The following PCNX1 variants were observed in gnomAD, a reference collection of about 807,000 sequenced individuals.
The protein encoded by PCNX1 is pecanex 1, also known as pecanex-like protein 1.
In PCNX1, 78 loss-of-function variants were observed where a neutral mutation model predicts 242.2. The observed-to-expected ratio is 0.32, with a 90% CI of 0.27 to 0.39. The LOEUF is 0.39. Ranked by LOEUF, PCNX1 falls within the 10% of genes least tolerant of loss-of-function variation. The pLI is 1.00. For synonymous variants in PCNX1, 1,024 were observed against 1,032.9 expected (o/e 0.99, Z 0.17); for missense variants, 2,581 against 2,856.5 (o/e 0.90, Z 2.20).
chr14:71,095,902 G>A (rs1286048966), intron 30 of PCNX1, among the ~76,000 whole-genome samples: 8 of 152,190 alleles, frequency 5.3e-5, no homozygotes, highest in African/African-American at 1.7e-4. Flanking sequence ...TTGGCCAGGC[G>A]TAGTAGCTTG....
intron 12 of PCNX1, among the ~76,000 whole-genome samples, chr14:71,022,135 C>T (rs1305441145): frequency 2.0e-5 from 3 of 152,138 alleles, no homozygotes; most frequent in African/African-American, 7.2e-5. Context: ...AGTCACTGCT[C>T]CTTCCTCCTT....
At chr14:70,982,109 G>A (rs1354486188) in intron 6 of PCNX1, among the ~76,000 whole-genome samples, 1 of 152,186 alleles carries the variant, frequency 6.6e-6, no homozygotes, top group East Asian at 1.9e-4. Context: ...ATGAGGGTTT[G>A]TGCTATACAC....
chr14:70,938,761 G>A (rs1045184389), intron 1 of PCNX1, among the ~76,000 whole-genome samples: 17 of 152,088 alleles, frequency 1.1e-4, no homozygotes, highest in Non-Finnish European at 2.2e-4. Flanking sequence ...TTTGGTCCTG[G>A]ACTTTTTTTG....
chr14:71,052,217 C>CT (rs780497297), intron 24 of PCNX1, among the ~76,000 whole-genome samples: 84 of 142,478 alleles, frequency 5.9e-4, no homozygotes, highest in Middle Eastern at 3.6e-3. Flanking sequence ...TCTTTCTTTC[C>CT]TTTTTTTTTT....
Position 71,047,064 on chromosome 14 carries a change from C to G in PCNX1, c.4119C>G (p.Ser1373Arg). ...TGATTGTTCTCAATGAACTGAGCAG[C>G]AGTGCAGAGACAATTGCTAGTCCAA... ...YPLIVLNELS[S>R]SAETIASPKK... The change falls in exon 21 of 36, where the codon AGC becomes AGG. Residue 1373 changes from serine (S) to arginine (R), a missense_variant. Physicochemically the swap from Ser to Arg is moderately radical, Grantham distance 110. Transcript: ENST00000304743. 6.2e-7 allele frequency: 1 copy of G among 1,610,276 alleles called. No individual in the cohort carries two copies. Among genetic ancestry groups the G allele is most frequent in the Non-Finnish European group, 8.5e-7 (1 of 1,177,236 alleles).
chr14:70,931,763 G>A (rs189850065), intron 1 of PCNX1, among the ~76,000 whole-genome samples: 6 of 152,280 alleles, frequency 3.9e-5, no homozygotes, highest in East Asian at 3.9e-4. Context: ...TAGAAGCACC[G>A]TTTTCTTAAC....
chr14:70,913,702 C>T (rs574755438), intron 1 of PCNX1, among the ~76,000 whole-genome samples: 1 of 152,146 alleles, frequency 6.6e-6, no homozygotes, highest in South Asian at 2.1e-4. Context: ...TTTCTTTCCC[C>T]CAATTTAAAA....
chr14:70,974,694 G>A (rs1262376274), intron 5 of PCNX1, among the ~76,000 whole-genome samples: 1 of 151,990 alleles, frequency 6.6e-6, no homozygotes, highest in Non-Finnish European at 1.5e-5. Flanking sequence ...AAGTTTCTTG[G>A]CCATATTGCC....
At chr14:71,000,137 A>G (rs936277309) in intron 8 of PCNX1, among the ~76,000 whole-genome samples, 2 of 152,306 alleles carry the variant, frequency 1.3e-5, no homozygotes, top group Admixed American at 1.3e-4. Flanking sequence ...TATAAATGAA[A>G]GTAAAATGTT....
intron 24 of PCNX1, 23 bp from the exon 25 acceptor site, chr14:71,055,481 T>A: frequency 6.7e-7 from 1 of 1,481,668 alleles, no homozygotes; most frequent in Non-Finnish European, 9.4e-7. Flanking sequence ...AGAAAGTTAC[T>A]AAAAATGTTT....
rs1343692767 is a variant in PCNX1 at position 71,115,240 on chromosome 14, G to GTGT, written c.*5307_*5309dup. 6.6e-6 allele frequency: 1 copy of GTGT among 152,604 alleles called. No individual in the cohort carries two copies. Among genetic ancestry groups the GTGT allele is most frequent in the Non-Finnish European group, 1.5e-5 (1 of 68,034 alleles). The allele number at this position is 152,604 out of a possible 1,614,324, so 9.5% of individuals were successfully genotyped here. A position where few individuals can be genotyped will look rare whatever the true frequency, so the allele number is the denominator to read the frequency against. ...TGTCTGTGAGTGTGTGTGTGTCTGA[G>GTGT]TGTTATTCTGAACAGCTTGTAAATA... On this transcript the variant is annotated 3_prime_UTR_variant, in exon 36 of 36. Coordinates refer to ENST00000304743, the MANE Select transcript of PCNX1 (RefSeq NM_014982.3).
Position 70,907,808 on chromosome 14 carries a change from ACGG to A in PCNX1, c.-25_-23del, listed in dbSNP as rs749537800. The A allele has an allele frequency of 9.6e-4, 1,167 of 1,212,034 alleles. 1 individual carries two copies. The highest frequency in any genetic ancestry group is 1.1e-3 in the Non-Finnish European group (1,045 of 975,050). 75.1% of individuals were successfully genotyped at this position (1,212,034 alleles called of 1,614,324 possible). ...AGGCCGAGCTGGGGCCGGGGCGGGG[ACGG>A]CGGCGGCGGCGGCGGCGACGGCGGC... On this transcript the variant is annotated 5_prime_UTR_variant, in exon 1 of 36. Coordinates refer to ENST00000304743, the MANE Select transcript of PCNX1 (RefSeq NM_014982.3).
At chr14:71,059,942 T>C (rs2061282732) in intron 26 of PCNX1, among the ~76,000 whole-genome samples, 1 of 152,218 alleles carries the variant, frequency 6.6e-6, no homozygotes, top group Admixed American at 6.5e-5. Flanking sequence ...CCCTTCATTT[T>C]GCCAGAAAGT....
intron 26 of PCNX1, among the ~76,000 whole-genome samples, chr14:71,061,756 T>C (rs1022120536): frequency 6.6e-6 from 1 of 152,164 alleles, no homozygotes; most frequent in African/African-American, 2.4e-5. Context: ...AAAATCAACA[T>C]GGCTGTGGTT....
At chr14:70,951,162 C>T (rs1042947394) in intron 2 of PCNX1, among the ~76,000 whole-genome samples, 2 of 151,674 alleles carry the variant, frequency 1.3e-5, no homozygotes, top group Non-Finnish European at 2.9e-5. Flanking sequence ...CAAATTTTTT[C>T]CCTGTAAATT....
rs2059871071 is a variant in PCNX1, at chr14:71,013,222, T to C, written c.2996+20T>C. The C allele has an allele frequency of 2.0e-6, 3 of 1,502,318 alleles. No homozygotes were observed. The East Asian group carries it at 6.8e-5, about 34-fold the overall frequency. The allele number at this position is 1,502,318 out of a possible 1,614,324, so 93.1% of individuals were successfully genotyped here. On this transcript the variant is annotated intron_variant, in intron 11 of 35. Transcript: ENST00000304743. The stretch of plus-strand genomic sequence containing the variant: ...TGATAGGTGAGATTATAGTGTGATA[T>C]TAATGATACGTGTGGATTTTATTTT...
intron 9 of PCNX1, 81 bp downstream of exon 9, chr14:71,009,805 A>G: frequency 1.3e-6 from 1 of 750,980 alleles, no homozygotes. Flanking sequence ...GAACTATAAA[A>G]GTTAATTTTT....
chr14:70,909,580 C>A (rs1479340544), intron 1 of PCNX1, among the ~76,000 whole-genome samples: 8 of 152,114 alleles, frequency 5.3e-5, no homozygotes, highest in Non-Finnish European at 1.0e-4. Flanking sequence ...GTTGCTGGGT[C>A]CAGTGTAAGA....
intron 18 of PCNX1, among the ~76,000 whole-genome samples, chr14:71,034,366 T>A (rs1031707398): frequency 6.6e-6 from 1 of 152,150 alleles, no homozygotes; most frequent in African/African-American, 2.4e-5. Flanking sequence ...ACAAATTAGA[T>A]TCATTTTGTT....
Sources: allele counts gnomAD v4.1 joint callset (sites outside exome capture counted in the v4.1 genomes callset), GRCh38; gene constraint gnomAD v4.1.1; transcripts MANE v1.5; gene names NCBI Gene and HGNC (gene_info 2026-07-23, HGNC 2026-07-21).